Variants in COL4A6 observed in about 807,000 individuals in gnomAD.
COL4A6 encodes collagen type IV alpha 6 chain.
A neutral mutation model predicts 126.7 loss-of-function variants in COL4A6; 59 were observed. The observed-to-expected ratio is 0.47, with a 90% CI of 0.38 to 0.58. The LOEUF (loss-of-function observed/expected upper bound fraction) is 0.58, where lower values mean the gene tolerates loss of function less well. Among genes scored for constraint, COL4A6 ranks in the 20% least tolerant of loss-of-function variants. The probability of loss-of-function intolerance (pLI) is 0.00; values close to 1 mark genes in which losing one functional copy is unlikely to be tolerated. For missense variants in COL4A6, 1,285 were observed against 1,337.3 expected (o/e 0.96, Z 0.61); for synonymous variants, 547 against 496.6 (o/e 1.10, Z -1.35).
intron 3 of COL4A6, among the ~76,000 whole-genome samples, chrX:108,272,605 A>AAACAAC (rs1347875434): frequency 5.4e-5 from 6 of 111,719 alleles, no homozygotes; most frequent in Non-Finnish European, 1.1e-4. Flanking sequence ...CCAACAAAAC[A>AAACAAC]AACAACAACA....
intron 2 of COL4A6, among the ~76,000 whole-genome samples, chrX:108,419,014 C>T (rs185091032): frequency 8.9e-6 from 1 of 112,112 alleles, no homozygotes; most frequent in East Asian, 2.8e-4. Context: ...ATCTCATTGG[C>T]TAGTGCCTTC....
rs749510417 is a variant in COL4A6, at chrX:108,328,613, T to C, written c.64-17785A>G. On this transcript the variant is annotated intron_variant, in intron 2 of 44. Coordinates refer to ENST00000334504, the MANE Select transcript of COL4A6 (RefSeq NM_033641.4). ...ATATTTCAGGGAGAAAAAAGAGAGA[T>C]TGAGGAGAAGCTACAGATTAAAGCC... is the stretch of plus-strand genomic sequence containing the variant. Among the ~76,000 whole-genome samples, 2 of 111,689 alleles carry C rather than the reference T, an allele frequency of 1.8e-5. 1 individual carries two copies. The highest frequency in any genetic ancestry group is 7.5e-4 in the South Asian group (2 of 2,684).
At chrX:108,165,174 T>A (rs2034089134) in intron 38 of COL4A6, 136 bp from the exon 39 acceptor site, 5 of 814,325 alleles carry the variant, frequency 6.1e-6, no homozygotes, top group Non-Finnish European at 9.0e-6. Context: ...GGGGTCCTAG[T>A]GCCCAGACTT....
At chrX:108,331,209 T>C (rs1224959652) in intron 2 of COL4A6, among the ~76,000 whole-genome samples, 2 of 111,870 alleles carry the variant, frequency 1.8e-5, no homozygotes, top group Non-Finnish European at 3.8e-5. Context: ...AGGTGGTTGT[T>C]ATTAGTTCGG....
intron 2 of COL4A6, among the ~76,000 whole-genome samples, chrX:108,432,257 C>G (rs2064186224): frequency 8.9e-6 from 1 of 112,079 alleles, no homozygotes; most frequent in African/African-American, 3.2e-5. Context: ...GTGTGACTGT[C>G]ACTAGTATAT....
At chrX:108,318,320 G>C (rs1414706946) in intron 2 of COL4A6, among the ~76,000 whole-genome samples, 2 of 111,731 alleles carry the variant, frequency 1.8e-5, no homozygotes, top group Non-Finnish European at 3.8e-5. Flanking sequence ...GCACAAGACA[G>C]GGATGCCCTC....
Position 108,205,516 on chromosome X carries a change from C to T in COL4A6, c.646-36G>A, listed in dbSNP as rs774774649. Reference sequence around the variant, plus strand: ...GGGATATAGGGAGGAAAAACAAAATCGATTACTAAATAAGCTCTGGGAACT... The same window carrying T: ...GGGATATAGGGAGGAAAAACAAAATTGATTACTAAATAAGCTCTGGGAACT... On this transcript the variant is annotated intron_variant, in intron 10 of 44. Transcript: ENST00000334504. 9 of 1,149,526 alleles carry T rather than the reference C, an allele frequency of 7.8e-6. No homozygotes were observed. In the South Asian group the frequency reaches 9.3e-5, roughly 12 times the overall value. 94.7% of individuals were successfully genotyped at this position (1,149,526 alleles called of 1,213,427 possible).
chrX:108,336,518 G>C (rs1156396343), intron 2 of COL4A6, among the ~76,000 whole-genome samples: 1 of 111,291 alleles, frequency 9.0e-6, no homozygotes, highest in African/African-American at 3.3e-5. Flanking sequence ...TGGGTACAGG[G>C]TTCCCATTTG....
intron 3 of COL4A6, among the ~76,000 whole-genome samples, chrX:108,227,947 A>G (rs1328201104): frequency 1.8e-5 from 2 of 112,130 alleles, no homozygotes; most frequent in African/African-American, 6.5e-5. Flanking sequence ...AATAGAGTGC[A>G]ATCAGGAAAC....
At chrX:108,190,213 T>C (rs1311939094) in intron 20 of COL4A6, among the ~76,000 whole-genome samples, 179 bp downstream of exon 20, 1 of 111,996 alleles carries the variant, frequency 8.9e-6, no homozygotes, top group African/African-American at 3.2e-5. Flanking sequence ...GTGACCTCCA[T>C]TGCCAGCCTC....
intron 7 of COL4A6, among the ~76,000 whole-genome samples, chrX:108,210,923 T>C (rs777047601): frequency 9.0e-6 from 1 of 111,441 alleles, no homozygotes; most frequent in East Asian, 2.8e-4. Flanking sequence ...TGTTCCAGGC[T>C]CTATGCACTA....
chrX:108,182,549 C>T (rs1431110878), intron 23 of COL4A6, among the ~76,000 whole-genome samples: 3 of 112,293 alleles, frequency 2.7e-5, no homozygotes, highest in Non-Finnish European at 3.8e-5. Context: ...TAGTTATTTC[C>T]CTACTATGGA....
chrX:108,214,273 C>G, intron 5 of COL4A6, 45 bp from the exon 6 acceptor site: 1 of 976,446 alleles, frequency 1.0e-6, no homozygotes, highest in Non-Finnish European at 1.4e-6. Context: ...AAAGGACTGT[C>G]AGCTATTCTA....
chrX:108,356,228 T>A (rs929419439), intron 2 of COL4A6, among the ~76,000 whole-genome samples: 61 of 108,168 alleles, frequency 5.6e-4, no homozygotes, highest in African/African-American at 2.0e-3. Context: ...GATAGTTTAC[T>A]GAGAATGATG....
intron 13 of COL4A6, among the ~76,000 whole-genome samples, chrX:108,198,580 G>A (rs773397199): frequency 9.0e-6 from 1 of 111,504 alleles, no homozygotes; most frequent in East Asian, 2.8e-4. Context: ...CAGGGACCCT[G>A]CTGAACAAGC....
intron 5 of COL4A6, among the ~76,000 whole-genome samples, chrX:108,215,623 G>A (rs983906411): frequency 2.2e-4 from 25 of 111,157 alleles, no homozygotes; most frequent in Non-Finnish European, 7.5e-5. Context: ...AAAGCAGGAC[G>A]AGAAAGACAC....
chrX:108,187,270 C>T lies in COL4A6; in HGVS notation c.1777G>A (p.Gly593Arg). The T allele has an allele frequency of 8.6e-7, 1 of 1,156,903 alleles. No homozygotes were observed. The highest frequency in any genetic ancestry group is 1.2e-6 in the Non-Finnish European group (1 of 863,027). Residue 593 changes from glycine (G) to arginine (R), a missense_variant, in exon 23 of 45, where the codon GGA becomes AGA. Transcript: ENST00000334504. ...PGLPGLPGDGGQGFPGEKGLP... is the reference protein window; with the variant it reads ...PGLPGLPGDGRQGFPGEKGLP... ...CCCTTTTCACCTGGGAAGCCCTGTC[C>T]ACCATCACCCTAGACAACATATAAA...
At chrX:108,347,766 C>G (rs1357027619) in intron 2 of COL4A6, among the ~76,000 whole-genome samples, 2 of 110,659 alleles carry the variant, frequency 1.8e-5, no homozygotes, top group Non-Finnish European at 3.8e-5. Flanking sequence ...TGAACAAATT[C>G]CATTTCTAAC....
rs373533467 is a variant in COL4A6 at position 108,205,708 on chromosome X, T to A, written c.610-13A>T. On this transcript the variant is annotated splice_polypyrimidine_tract_variant and intron_variant, in intron 9 of 44. Transcript: ENST00000334504. ...GCCCTGGAGGACCCTAGATTTTTTT[T>A]AAAAATAAGAAAGAGTTAGCACTTG... The A allele has an allele frequency of 2.7e-4, 319 of 1,193,827 alleles. No individual in the cohort carries two copies. The highest frequency in any genetic ancestry group is 4.5e-4 in the South Asian group (25 of 55,556).
Sources: gnomAD v4.1 joint callset for allele counts (sites outside exome capture counted in the v4.1 genomes callset) on GRCh38, gnomAD v4.1.1 for gene constraint, MANE v1.5 for transcripts, NCBI Gene and HGNC (gene_info 2026-07-23, HGNC 2026-07-21) for gene names.